Variants in BMP1 observed in about 807,000 individuals in gnomAD.
The protein encoded by BMP1 is mammalian tolloid protein.
Under a neutral mutation model 116.8 loss-of-function variants are expected in BMP1, and 63 were observed. The observed-to-expected ratio is 0.54, with a 90% confidence interval of 0.44 to 0.67. BMP1 has a LOEUF of 0.67. Among genes scored for constraint, BMP1 ranks in the 30% least tolerant of loss-of-function variants. The pLI is 0.00. For synonymous variants in BMP1, 536 were observed against 533.4 expected, an observed-to-expected ratio of 1.00 and a Z score of -0.07; for missense variants, 1,183 against 1,358.9, an observed-to-expected ratio of 0.87 and a Z score of 2.04.
chr8:22,202,036 G>C, intron 16 of BMP1, 108 bp downstream of exon 16: 1 of 1,437,724 alleles, frequency 7.0e-7, no homozygotes, highest in South Asian at 1.4e-5. Flanking sequence ...GGGCCTGTAT[G>C]ATCTCTAAGG....
At chr8:22,199,811 C>T (rs550794344) in intron 15 of BMP1, among the ~76,000 whole-genome samples, 2 of 152,298 alleles carry the variant, frequency 1.3e-5, no homozygotes, top group South Asian at 4.1e-4. Context: ...GGCTCTCGAT[C>T]AGGCCCCCTC....
chr8:22,183,334 T>A (rs929861755), intron 8 of BMP1, among the ~76,000 whole-genome samples: 1 of 152,208 alleles, frequency 6.6e-6, no homozygotes, highest in African/African-American at 2.4e-5. Context: ...GAGGATTGCT[T>A]GAGCCTGGGA....
In BMP1 at chr8:22,205,848, A is replaced by T. The variant is rs116307872; in HGVS notation, c.2234-1006A>T. Among the ~76,000 whole-genome samples, 751 of 152,320 alleles carry T rather than the reference A, an allele frequency of 4.9e-3. 10 individuals are homozygous for T. The highest frequency in any genetic ancestry group is 0.017 in the African/African-American group (720 of 41,574). On this transcript the variant is annotated intron_variant, in intron 16 of 19. Coordinates refer to ENST00000306385, the MANE Select transcript of BMP1 (RefSeq NM_006129.5). ...GGTGAGGTCCTGAGCACCCCGAAGGAACAGGAGGTGGCCACAGAGGGGTGA... is the reference window on the plus strand; with the variant it reads ...GGTGAGGTCCTGAGCACCCCGAAGGTACAGGAGGTGGCCACAGAGGGGTGA...
chr8:22,206,970 C>A lies in BMP1; in HGVS notation c.2350C>A (p.Arg784=). 6.2e-7 allele frequency: 1 copy of A among 1,614,108 alleles called. No homozygotes were observed. The highest frequency in any genetic ancestry group is 8.5e-7 in the Non-Finnish European group (1 of 1,179,986). ...GGCCATCTCCAGCACCCCCGGGCAC[C>A]GGGTCAAGCTGGTAAGGGGTCCCCT... ...TWAISSTPGH[R]VKLTFMEMDI... is the part of the protein sequence containing the mutation. Residue 784 remains arginine (R), a synonymous_variant, in exon 17 of 20, where the codon CGG becomes AGG. Transcript: ENST00000306385.
At chr8:22,201,162 C>G in intron 15 of BMP1, 1 of 1,613,280 alleles carries the variant, frequency 6.2e-7, no homozygotes, top group Non-Finnish European at 8.5e-7. Flanking sequence ...CCCCCACCAG[C>G]TCAAATTCCG....
chr8:22,201,247 C>T (rs531313223), intron 15 of BMP1: 1 of 1,588,692 alleles, frequency 6.3e-7, no homozygotes, highest in East Asian at 2.3e-5. Flanking sequence ...AGGAACCTCA[C>T]CTTGGACGGA....
At chr8:22,184,146 C>T (rs567022552) in intron 8 of BMP1, among the ~76,000 whole-genome samples, 1 of 152,348 alleles carries the variant, frequency 6.6e-6, no homozygotes, top group East Asian at 1.9e-4. Context: ...GGTCAGCCAC[C>T]AGGGATGTAC....
Position 22,173,722 on chromosome 8 carries a change from C to A in BMP1, c.262+7C>A. The A allele has an allele frequency of 1.9e-6, 3 of 1,605,042 alleles. No individual in the cohort carries two copies. The highest frequency in any genetic ancestry group is 1.7e-6 in the Non-Finnish European group (2 of 1,174,834). On this transcript the variant is annotated splice_region_variant and intron_variant, in intron 2 of 19. Coordinates refer to ENST00000306385, the MANE Select transcript of BMP1 (RefSeq NM_006129.5). ...TCCTCCATCAAAGCTGCAGGTAAGC[C>A]GGGTGCCAATGGGCCCTCTGTGTCC...
chr8:22,169,922 T>G (rs923808650), intron 1 of BMP1: 3 of 152,102 alleles, frequency 2.0e-5, no homozygotes, highest in Non-Finnish European at 4.4e-5. Flanking sequence ...GTGTTGAAAA[T>G]AACTACTACC....
intron 1 of BMP1, chr8:22,170,932 A>G (rs1259651685): frequency 1.3e-5 from 2 of 152,226 alleles, no homozygotes; most frequent in African/African-American, 2.4e-5. Context: ...TTTCAAAAAA[A>G]AAAAGAAAGA....
chr8:22,206,279 A>C (rs1829352427), intron 16 of BMP1, among the ~76,000 whole-genome samples: 1 of 152,220 alleles, frequency 6.6e-6, no homozygotes, highest in Non-Finnish European at 1.5e-5. Context: ...AGGTGGGTAG[A>C]TCTCCTGAGG....
chr8:22,165,882 CGTGTGTGTGTGTGTGTGT>C (rs149003237), intron 1 of BMP1, among the ~76,000 whole-genome samples: 3 of 131,314 alleles, frequency 2.3e-5, no homozygotes, highest in Non-Finnish European at 3.2e-5. Context: ...CCTGTGCGTG[CGTGTGTGTGTGTGTGTGT>C]GTGTGTGTGT....
intron 8 of BMP1, 106 bp from the exon 9 acceptor site, chr8:22,191,943 A>AG: frequency 9.9e-7 from 1 of 1,009,490 alleles, no homozygotes; most frequent in Non-Finnish European, 1.5e-6. Context: ...ACTCTCGCCC[A>AG]GGGGGACCTG....
intron 14 of BMP1, 26 bp from the exon 15 acceptor site, chr8:22,197,214 G>A (rs371863488): frequency 1.9e-4 from 299 of 1,596,730 alleles, no homozygotes; most frequent in Admixed American, 3.0e-4. Flanking sequence ...TGGAGGAGGC[G>A]GGCCTGGAGC....
Position 22,197,379 on chromosome 8 carries a change from A to G in BMP1, c.2066A>G (p.Asn689Ser). The change falls in exon 15 of 20, where the codon AAC becomes AGC. Residue 689 changes from asparagine (N) to serine (S), a missense_variant. Asn to Ser is a conservative substitution (Grantham distance 46, BLOSUM62 1). Transcript: ENST00000306385. Reference sequence around the variant, plus strand: ...ATGCGCGTGGAGTTCAAGTCCGACAACACCGTGTCCAAAAAGGGCTTCAAG... The same window carrying G: ...ATGCGCGTGGAGTTCAAGTCCGACAGCACCGTGTCCAAAAAGGGCTTCAAG... Reference protein sequence around the residue: ...NNMRVEFKSDNTVSKKGFKAH... With the variant: ...NNMRVEFKSDSTVSKKGFKAH... 1.9e-6 allele frequency: 3 copies of G among 1,612,872 alleles called. No individual in the cohort carries two copies. Among genetic ancestry groups the G allele is most frequent in the South Asian group, 2.2e-5 (2 of 91,062 alleles).
chr8:22,192,191 T>G, intron 9 of BMP1, 40 bp downstream of exon 9: 1 of 1,553,802 alleles, frequency 6.4e-7, no homozygotes, highest in South Asian at 1.1e-5. Flanking sequence ...CCATGCTGAT[T>G]CCCTCTCTGA....
At chr8:22,165,926 T>TGTGTGTGTGTGTGTGTGTGTGTGTGTG (rs56227111) in intron 1 of BMP1, among the ~76,000 whole-genome samples, 3 of 149,490 alleles carry the variant, frequency 2.0e-5, no homozygotes, top group Non-Finnish European at 4.5e-5. Flanking sequence ...TGTGTGTGTG[T>TGTGTGTGTGTGTGTGTGTGTGTGTGTG]TCTTTCCCCT....
In BMP1 at chr8:22,211,674, C is replaced by T; in HGVS notation, c.2907C>T (p.Phe969=). The part of the protein sequence containing the change: ...HSDDTITKKG[F]HLRYTSTKFQ... ...ATGACACCATCACCAAAAAAGGTTT[C>T]CACCTGCGATACACCAGCACCAAGT... Residue 969 remains phenylalanine, a synonymous_variant, in exon 20 of 20, where the codon TTC becomes TTT. Transcript: ENST00000306385. The T allele has an allele frequency of 6.2e-7, 1 of 1,614,200 alleles. No homozygotes were observed. Among genetic ancestry groups the T allele is most frequent in the Non-Finnish European group, 8.5e-7 (1 of 1,180,032 alleles).
intron 15 of BMP1, among the ~76,000 whole-genome samples, chr8:22,200,701 G>C (rs746150458): frequency 6.6e-6 from 1 of 152,108 alleles, no homozygotes; most frequent in African/African-American, 2.4e-5. Flanking sequence ...TTGCGAGTGC[G>C]TGTGTCTGTC....
Sources: gnomAD v4.1 joint callset for allele counts (sites outside exome capture counted in the v4.1 genomes callset) on GRCh38, gnomAD v4.1.1 for gene constraint, MANE v1.5 for transcripts, NCBI Gene and HGNC (gene_info 2026-07-23, HGNC 2026-07-21) for gene names.